FREM1: variants seen among roughly 807,000 people sequenced by gnomAD.
The protein encoded by FREM1 is FRAS1-related extracellular matrix protein 1.
FREM1 carries 220 observed loss-of-function variants against 210.1 expected under a neutral mutation model. The ratio of observed to expected loss-of-function variants is 1.05; its 90% CI spans 0.94 to 1.17. FREM1 has a LOEUF of 1.17. Among genes scored for constraint, FREM1 ranks in the 50% most tolerant of loss-of-function variants. The pLI is 0.00. For missense variants in FREM1, 3,454 were observed against 2,675.5 expected (o/e 1.29, Z -6.42); for synonymous variants, 1,189 against 980.2 (o/e 1.21, Z -3.98).
chr9:14,905,266 G>A (rs1817487873), intron 1 of FREM1, among the ~76,000 whole-genome samples: 1 of 151,746 alleles, frequency 6.6e-6, no homozygotes, highest in Non-Finnish European at 1.5e-5. Flanking sequence ...TTTTAAAATG[G>A]TGAGAGAGAG....
At chr9:14,819,681 G>A (rs1002081277) in intron 13 of FREM1, among the ~76,000 whole-genome samples, 1 of 152,178 alleles carries the variant, frequency 6.6e-6, no homozygotes, top group Non-Finnish European at 1.5e-5. Context: ...AAGATTGAAA[G>A]TATCTACTTT....
In FREM1 at chr9:14,750,139, C is replaced by T. The variant is rs950232274; in HGVS notation, c.5545G>A (p.Asp1849Asn). 4 of 1,613,696 alleles carry T rather than the reference C, an allele frequency of 2.5e-6. No homozygotes were observed. Among genetic ancestry groups the T allele is most frequent in the Non-Finnish European group, 2.5e-6 (3 of 1,179,788 alleles). ...ATCAAAAGAATACCTCCTTTTGAGT[C>T]CAAAATTTTCACTGCAGCTTTTGTC... ...TKTKAAVKILDSKGGQCHPSY... is the reference protein window; with the variant it reads ...TKTKAAVKILNSKGGQCHPSY... The change falls in exon 30 of 37, where the codon GAC becomes AAC. Residue 1849 changes from aspartate (D) to asparagine (N), a missense_variant. Transcript: ENST00000380880.
In FREM1 at chr9:14,750,291, CATTTT is replaced by C. The variant is rs1183077947; in HGVS notation, c.5408-20_5408-16del. ...AGTTGACATTCCTACAAGAAGTAAA[CATTTT>C]AATTACTCTTTAATTGCTATTTCAA... On this transcript the variant is annotated splice_polypyrimidine_tract_variant and intron_variant, in intron 29 of 36. Coordinates refer to ENST00000380880, the MANE Select transcript of FREM1 (RefSeq NM_001379081.2). 1 of 1,588,332 alleles carries C rather than the reference CATTTT, an allele frequency of 6.3e-7. No homozygotes were observed. The highest frequency in any genetic ancestry group is 8.6e-7 in the Non-Finnish European group (1 of 1,159,914).
intron 1 of FREM1, among the ~76,000 whole-genome samples, chr9:14,886,984 T>C (rs1378398325): frequency 6.6e-6 from 1 of 151,862 alleles, no homozygotes; most frequent in African/African-American, 2.4e-5. Context: ...TACAAATGAA[T>C]TTCCAAAGTT....
intron 32 of FREM1, 72 bp downstream of exon 32, chr9:14,747,609 T>C (rs1386778974): frequency 2.8e-6 from 3 of 1,069,638 alleles, no homozygotes. Context: ...ATAAAAAATA[T>C]AAAATAATAG....
At chr9:14,803,793 G>C (rs1817799642) in intron 19 of FREM1, among the ~76,000 whole-genome samples, 3 of 152,172 alleles carry the variant, frequency 2.0e-5, no homozygotes, top group Admixed American at 2.0e-4. Context: ...CTAAAAGGAT[G>C]CTGATTTTCT....
At chr9:14,824,308 A>G (rs533139151) in intron 11 of FREM1, among the ~76,000 whole-genome samples, 193 bp from the exon 12 acceptor site, 1 of 152,318 alleles carries the variant, frequency 6.6e-6, no homozygotes, top group South Asian at 2.1e-4. Flanking sequence ...TCATGACTGC[A>G]AAAGGTATGT....
intron 22 of FREM1, chr9:14,790,707 T>C (rs918988368): frequency 6.6e-6 from 1 of 152,178 alleles, no homozygotes; most frequent in African/African-American, 2.4e-5. Context: ...CGATAACTCT[T>C]GGGAGAGTCC....
chr9:14,890,233 G>A (rs558472337), intron 1 of FREM1, among the ~76,000 whole-genome samples: 17 of 152,320 alleles, frequency 1.1e-4, no homozygotes, highest in African/African-American at 3.4e-4. Context: ...GATGACCAAG[G>A]CTGCAAAGAC....
At chr9:14,905,360 A>G (rs985758002) in intron 1 of FREM1, among the ~76,000 whole-genome samples, 3 of 152,240 alleles carry the variant, frequency 2.0e-5, no homozygotes, top group Non-Finnish European at 4.4e-5. Context: ...GTGCAAGCCC[A>G]GAGTTTCAAA....
chr9:14,745,657 T>A (rs568257255), intron 35 of FREM1, among the ~76,000 whole-genome samples: 181 of 152,344 alleles, frequency 1.2e-3, no homozygotes, highest in African/African-American at 4.1e-3. Context: ...AACCAGAGAC[T>A]TCCCTAGTCT....
At chr9:14,806,581 A>T (rs1818410883) in intron 18 of FREM1, 80 bp downstream of exon 18, 2 of 856,052 alleles carry the variant, frequency 2.3e-6, no homozygotes, top group South Asian at 3.0e-5. Flanking sequence ...GTCCTTACAA[A>T]GTTATTAAGC....
chr9:14,805,161 C>T lies in FREM1; in HGVS notation c.3275-9G>A. 2 of 1,497,208 alleles carry T rather than the reference C, an allele frequency of 1.3e-6. No homozygotes were observed. The highest frequency in any genetic ancestry group is 2.3e-5 in the East Asian group (1 of 43,402). 92.7% of individuals were successfully genotyped at this position (1,497,208 alleles called of 1,614,324 possible). ...TTTCCACTGAAATGAATCTAGAGCA[C>T]ACCAAGATGGAACAGATAAATAAAA... On this transcript the variant is annotated splice_polypyrimidine_tract_variant and intron_variant, in intron 18 of 36. Coordinates refer to ENST00000380880, the MANE Select transcript of FREM1 (RefSeq NM_001379081.2).
chr9:14,797,302 G>A lies in FREM1; in HGVS notation c.3839+196C>T, dbSNP rs7025870. On this transcript the variant is annotated intron_variant, in intron 21 of 36. Transcript: ENST00000380880. Reference sequence around the variant, plus strand: ...TTAGAAGAAAATCAAGTAATTAAACGGCTGATTGTTAAGGAGAGGTTACCT... The same window carrying A: ...TTAGAAGAAAATCAAGTAATTAAACAGCTGATTGTTAAGGAGAGGTTACCT... Among the ~76,000 whole-genome samples, 2,841 of 152,172 alleles carry A rather than the reference G, an allele frequency of 0.019. 96 individuals carry two copies. Among genetic ancestry groups the A allele is most frequent in the African/African-American group, 0.065 (2,680 of 41,500 alleles).
Position 14,828,911 on chromosome 9 carries a change from A to G in FREM1, c.1882-3919T>C, listed in dbSNP as rs149752645. Among the ~76,000 whole-genome samples the G allele has an allele frequency of 4.3e-3, 662 of 152,348 alleles. 6 individuals are homozygous for G. Among genetic ancestry groups the G allele is most frequent in the Non-Finnish European group, 7.4e-3 (504 of 68,028 alleles). On this transcript the variant is annotated intron_variant, in intron 10 of 36. Coordinates refer to ENST00000380880, the MANE Select transcript of FREM1 (RefSeq NM_001379081.2). ...TGACGGTACAGTTATAGTCCTGAGT[A>G]TACCACTTACTAGCAGCTATTTAAC...
At position 14,737,539 on chromosome 9, in the gene FREM1, C is replaced by T. The variant is rs1406350056; in HGVS notation, c.6397G>A (p.Ala2133Thr). 6.2e-7 allele frequency: 1 copy of T among 1,609,598 alleles called. No individual in the cohort carries two copies. Among genetic ancestry groups the T allele is most frequent in the East Asian group, 2.2e-5 (1 of 44,756 alleles). ...HWEWIGGEPV[A>T]FTNGRRGPSQ... ...GGCCCTCTTCTCCCATTGGTGAAGGCAACAGGTTCACCACCGATCCACTCC... is the reference window on the plus strand; with the variant it reads ...GGCCCTCTTCTCCCATTGGTGAAGGTAACAGGTTCACCACCGATCCACTCC... Residue 2133 changes from alanine (A) to threonine (T), a missense_variant, in exon 37 of 37, where the codon GCC becomes ACC. Ala to Thr is a moderately conservative substitution (Grantham distance 58). Coordinates refer to ENST00000380880, the MANE Select transcript of FREM1 (RefSeq NM_001379081.2).
chr9:14,904,088 C>A (rs1817238677), intron 1 of FREM1, among the ~76,000 whole-genome samples: 1 of 133,784 alleles, frequency 7.5e-6, no homozygotes, highest in Non-Finnish European at 1.5e-5. Context: ...CGCCTCCAGC[C>A]TGGGTGACAG....
chr9:14,859,871 G>T (rs745933833), intron 3 of FREM1, among the ~76,000 whole-genome samples: 1 of 152,164 alleles, frequency 6.6e-6, no homozygotes, highest in Non-Finnish European at 1.5e-5. Context: ...GGTTTCTGAA[G>T]CATTCAGGCC....
At chr9:14,863,936 T>G in intron 2 of FREM1, 33 bp from the exon 3 acceptor site, 1 of 1,337,222 alleles carries the variant, frequency 7.5e-7, no homozygotes, top group Non-Finnish European at 1.1e-6. Context: ...TAAATATCTA[T>G]GAGAAAATTG....
Sources: gnomAD v4.1 joint callset for allele counts (sites outside exome capture counted in the v4.1 genomes callset) on GRCh38, gnomAD v4.1.1 for gene constraint, MANE v1.5 for transcripts, NCBI Gene and HGNC (gene_info 2026-07-23, HGNC 2026-07-21) for gene names.